The following RBM41 variants were observed in gnomAD, a reference collection of about 807,000 sequenced individuals.
RBM41 encodes the protein RNA-binding protein 41.
In RBM41, 14 loss-of-function variants were observed where a neutral mutation model predicts 30.8. That is an observed-to-expected ratio of 0.45 (90% CI 0.30 to 0.71). The LOEUF (loss-of-function observed/expected upper bound fraction) is 0.71, where lower values mean the gene tolerates loss of function less well. RBM41 is among the 30% of genes least tolerant of loss of function. The probability of loss-of-function intolerance (pLI) is 0.08; values close to 1 mark genes in which losing one functional copy is unlikely to be tolerated. For missense variants in RBM41, 276 were observed against 326.3 expected (o/e 0.85, Z 1.19); for synonymous variants, 120 against 110.1 (o/e 1.09, Z -0.56).
chrX:107,056,833 G>T, the RBM41 span, among the ~76,000 whole-genome samples: 5 of 101,765 alleles, frequency 4.9e-5, no homozygotes, highest in East Asian at 3.0e-4. Flanking sequence ...TCATTTTAAT[G>T]GTTATATTGG....
chrX:107,085,289 C>T (rs1181587967), intron 6 of RBM41, among the ~76,000 whole-genome samples: 9 of 97,962 alleles, frequency 9.2e-5, no homozygotes, highest in African/African-American at 2.6e-4. Context: ...GACAGAGTCT[C>T]GCTCTGTCAC....
intron 5 of RBM41, 112 bp from the exon 6 acceptor site, chrX:107,088,951 G>T: frequency 1.0e-6 from 1 of 1,003,342 alleles, no homozygotes; most frequent in South Asian, 2.7e-5. Flanking sequence ...TGCTGGGGCA[G>T]GTCTTTACAA....
chrX:107,074,858 A>G (rs1194094280), intron 6 of RBM41, among the ~76,000 whole-genome samples: 1 of 111,986 alleles, frequency 8.9e-6, no homozygotes, highest in Non-Finnish European at 1.9e-5. Flanking sequence ...TACAGATTCA[A>G]TGCAATCTCT....
At chrX:107,082,316 T>C (rs1921602113) in intron 6 of RBM41, among the ~76,000 whole-genome samples, 1 of 112,121 alleles carries the variant, frequency 8.9e-6, no homozygotes, top group South Asian at 3.7e-4. Context: ...TTATATTAAT[T>C]GAATTTCAAA....
At chrX:107,054,207 G>A in the RBM41 span, among the ~76,000 whole-genome samples, 2,130 of 111,177 alleles carry the variant, frequency 0.019, 64 homozygotes, top group African/African-American at 0.066. Context: ...TGAGCATGCC[G>A]TTCACATCAT....
chrX:107,077,288 C>T (rs893309729), intron 6 of RBM41, among the ~76,000 whole-genome samples: 5 of 111,009 alleles, frequency 4.5e-5, no homozygotes, highest in African/African-American at 1.6e-4. Context: ...CATGCCACCA[C>T]GCCCAGCTAA....
At position 107,115,557 on chromosome X, in the gene RBM41, C is replaced by T; in HGVS notation, c.319-1G>A. Reference sequence around the variant, plus strand: ...CAGGAGTTGCCCTCAGTTTTGTCTTCTGAAACCAGAGGAATGAGATGGCAT... The same window carrying T: ...CAGGAGTTGCCCTCAGTTTTGTCTTTTGAAACCAGAGGAATGAGATGGCAT... On this transcript the variant is annotated splice_acceptor_variant, in intron 3 of 7. Transcript: ENST00000685964. LOFTEE classifies it high-confidence loss of function. The T allele has an allele frequency of 8.3e-7, 1 of 1,201,572 alleles. No homozygotes were observed. The highest frequency in any genetic ancestry group is 1.1e-6 in the Non-Finnish European group (1 of 886,908).
At chrX:107,095,149 C>CAA (rs59436196) in intron 5 of RBM41, among the ~76,000 whole-genome samples, 3,288 of 50,913 alleles carry the variant, frequency 0.065, 290 homozygotes, top group African/African-American at 0.18. Context: ...TATAAGGAGG[C>CAA]AAAAAAAAAA....
chrX:107,093,457 T>A (rs1388783704), intron 5 of RBM41, among the ~76,000 whole-genome samples: 1 of 111,710 alleles, frequency 9.0e-6, no homozygotes, highest in East Asian at 2.8e-4. Flanking sequence ...AACACAAATA[T>A]CTGGAAATTG....
intron 6 of RBM41, among the ~76,000 whole-genome samples, chrX:107,076,144 C>T (rs1692713163): frequency 1.8e-5 from 2 of 109,009 alleles, no homozygotes; most frequent in African/African-American, 6.7e-5. Context: ...AGTGAAACCC[C>T]ATCTCTACTA....
intron 6 of RBM41, among the ~76,000 whole-genome samples, chrX:107,085,249 T>TC (rs1469106148): frequency 2.3e-5 from 2 of 85,720 alleles, no homozygotes; most frequent in African/African-American, 1.2e-4. Flanking sequence ...GTTTTTCTTT[T>TC]TTTTCTTTTT....
At chrX:107,095,220 T>C (rs1922865028) in intron 5 of RBM41, among the ~76,000 whole-genome samples, 1 of 109,394 alleles carries the variant, frequency 9.1e-6, no homozygotes, top group Admixed American at 9.8e-5. Flanking sequence ...AATAGGATTG[T>C]CTATGTAGAA....
chrX:107,067,514 A>G lies in RBM41; in HGVS notation c.*13T>C, dbSNP rs748235606. The G allele has an allele frequency of 7.6e-6, 9 of 1,190,572 alleles. No homozygotes were observed. In the South Asian group the frequency reaches 1.5e-4, roughly 20 times the overall value. On this transcript the variant is annotated 3_prime_UTR_variant, in exon 8 of 8. Transcript: ENST00000685964. ...CAAGAAAGACCATCCAGGACCCACA[A>G]TTTATATATATTCTAGCTACCACTA...
chrX:107,113,432 G>A lies in RBM41; in HGVS notation c.560C>T (p.Thr187Ile), dbSNP rs1235796455. The A allele has an allele frequency of 1.0e-6, 1 of 980,815 alleles. No homozygotes were observed. Among genetic ancestry groups the A allele is most frequent in the Non-Finnish European group, 1.3e-6 (1 of 755,697 alleles). The allele number at this position is 980,815 out of a possible 1,213,427, so 80.8% of individuals were successfully genotyped here. A position where few individuals can be genotyped will look rare whatever the true frequency, so the allele number is the denominator to read the frequency against. The change falls in exon 5 of 8, where the codon ACC (threonine) becomes ATC (isoleucine). Residue 187 changes from threonine to isoleucine, a missense_variant. Transcript: ENST00000685964. ...TAATTTTATCTTCCTCTTCATTGAG[G>A]TCATGTACTTGTCTGCACTTGTCTT... is the stretch of plus-strand genomic sequence containing the variant. ...HKKTSADKYMTSMKRKIKLGT... is the reference protein window; with the variant it reads ...HKKTSADKYMISMKRKIKLGT...
Position 107,066,617 on chromosome X carries a change from T to C in RBM41, c.*910A>G. On this transcript the variant is annotated 3_prime_UTR_variant, in exon 8 of 8. Coordinates refer to ENST00000685964, the MANE Select transcript of RBM41 (RefSeq NM_001324242.2). ...CAGATTAAGTGACTTGCCAAGGTCA[T>C]AGAATGTTAAGTGTGGCTGTACAGG... is the stretch of plus-strand genomic sequence containing the variant. The C allele has an allele frequency of 7.0e-6, 4 of 568,067 alleles. No individual in the cohort carries two copies. The highest frequency in any genetic ancestry group is 8.5e-6 in the Non-Finnish European group (4 of 470,105). 46.8% of individuals were successfully genotyped at this position (568,067 alleles called of 1,213,427 possible). A position where few individuals can be genotyped will look rare whatever the true frequency, so the allele number is the denominator to read the frequency against.
At chrX:107,096,778 C>T (rs1034423503) in intron 5 of RBM41, among the ~76,000 whole-genome samples, 1 of 111,581 alleles carries the variant, frequency 9.0e-6, no homozygotes, top group African/African-American at 3.3e-5. Flanking sequence ...TCAAAAGACA[C>T]CATTAAGAAA....
chrX:107,111,063 C>T (rs867240836), intron 5 of RBM41, among the ~76,000 whole-genome samples: 3 of 110,808 alleles, frequency 2.7e-5, no homozygotes, highest in Admixed American at 9.6e-5. Context: ...TGGACTTCAT[C>T]GAAATTAAAC....
At chrX:107,102,451 T>G (rs1415460063) in intron 5 of RBM41, among the ~76,000 whole-genome samples, 1 of 111,270 alleles carries the variant, frequency 9.0e-6, no homozygotes, top group African/African-American at 3.3e-5. Flanking sequence ...AAACTTTCAT[T>G]GAAGAGATTA....
In RBM41 at chrX:107,114,872, C is replaced by G. The variant is rs143279879; in HGVS notation, c.523+480G>C. 8.6e-3 allele frequency: 1,017 copies of G among 117,817 alleles called. 9 individuals carry two copies. Among genetic ancestry groups the G allele is most frequent in the African/African-American group, 0.032 (973 of 30,706 alleles). 9.7% of individuals were successfully genotyped at this position (117,817 alleles called of 1,213,427 possible). On this transcript the variant is annotated intron_variant, in intron 4 of 7. Coordinates refer to ENST00000685964, the MANE Select transcript of RBM41 (RefSeq NM_001324242.2). ...CTAATTTGTAGTTCAGCCTAAAGAC[C>G]CTTCACAATCTAGCTTCGCCTCCCC...
Sources: gnomAD v4.1 joint callset for allele counts (sites outside exome capture counted in the v4.1 genomes callset) on GRCh38, gnomAD v4.1.1 for gene constraint, MANE v1.5 for transcripts, NCBI Gene and HGNC (gene_info 2026-07-23, HGNC 2026-07-21) for gene names.